Variants in ATG4A observed in about 807,000 individuals in gnomAD.
The protein encoded by ATG4A is autophagy related 4A cysteine peptidase.
ATG4A carries 22 observed loss-of-function variants against 38.4 expected under a neutral mutation model. The ratio of observed to expected loss-of-function variants is 0.57; its 90% CI spans 0.41 to 0.82. The LOEUF is 0.82. ATG4A is among the 40% of genes least tolerant of loss of function. The probability of loss-of-function intolerance (pLI) is 0.00; values close to 1 mark genes in which losing one functional copy is unlikely to be tolerated. For synonymous variants in ATG4A, 86 were observed against 100.7 expected (o/e 0.85, Z 0.88); for missense variants, 220 against 290.0 (o/e 0.76, Z 1.75).
chrX:108,142,491 G>A (rs894439603), intron 9 of ATG4A, among the ~76,000 whole-genome samples: 4 of 109,114 alleles, frequency 3.7e-5, no homozygotes, highest in Non-Finnish European at 7.6e-5. Context: ...GTGTGTGTGT[G>A]TATATAACAT....
chrX:108,117,163 CT>C (rs145499711), intron 1 of ATG4A, among the ~76,000 whole-genome samples: 108 of 104,614 alleles, frequency 1.0e-3, no homozygotes, highest in Non-Finnish European at 1.6e-3. Context: ...AGCTTTTAGG[CT>C]TTTTTTTTTT....
chrX:108,141,031 C>CGT (rs1238415528), intron 9 of ATG4A, among the ~76,000 whole-genome samples: 1,986 of 54,140 alleles, frequency 0.037, 52 homozygotes, highest in Non-Finnish European at 0.044. Flanking sequence ...CATATATATA[C>CGT]ATATATACAT....
chrX:108,149,507 G>T (rs1405053950), intron 9 of ATG4A, among the ~76,000 whole-genome samples: 1 of 112,741 alleles, frequency 8.9e-6, no homozygotes, highest in Non-Finnish European at 1.9e-5. Flanking sequence ...TTTTCCAAGT[G>T]AGCTGTATCT....
rs758699209 is a variant in ATG4A, at chrX:108,115,118, C to CAT, written c.11-10959_11-10958insAT. 6.2e-3 allele frequency among the ~76,000 whole-genome samples: 557 copies of CAT among 90,160 alleles called. 4 individuals carry two copies. Among genetic ancestry groups the CAT allele is most frequent in the African/African-American group, 0.021 (510 of 24,672 alleles). The allele number at this position is 90,160 out of a possible 115,157, so 78.3% of individuals were successfully genotyped here. A position where few individuals can be genotyped will look rare whatever the true frequency, so the allele number is the denominator to read the frequency against. Reference sequence around the variant, plus strand: ...GTATGTGTGCATGTGTGCATGTATGCGTGTGTGTGTGTGTGTGTGTGTGTG... The same window carrying CAT: ...GTATGTGTGCATGTGTGCATGTATGCATGTGTGTGTGTGTGTGTGTGTGTGTG... On this transcript the variant is annotated intron_variant, in intron 1 of 12. Coordinates refer to ENST00000372232, the MANE Select transcript of ATG4A (RefSeq NM_052936.5).
intron 5 of ATG4A, 77 bp from the exon 6 acceptor site, chrX:108,134,262 T>A: frequency 2.6e-6 from 3 of 1,156,180 alleles, no homozygotes; most frequent in Non-Finnish European, 2.3e-6. Flanking sequence ...CTTAATTATT[T>A]ATGCAAAAAA....
At chrX:108,152,266 G>A (rs778108489) in intron 11 of ATG4A, among the ~76,000 whole-genome samples, 16 of 111,297 alleles carry the variant, frequency 1.4e-4, no homozygotes, top group South Asian at 3.8e-4. Context: ...ACAAAGGCTC[G>A]CTCCGTCACC....
rs766991129 is a variant in ATG4A at position 108,126,337 on chromosome X, G to A, written c.121+150G>A. 50 of 469,143 alleles carry A rather than the reference G, an allele frequency of 1.1e-4. No homozygotes were observed. The East Asian group carries it at 1.1e-3, about 10-fold the overall frequency. 38.7% of individuals were successfully genotyped at this position (469,143 alleles called of 1,213,427 possible). A position where few individuals can be genotyped will look rare whatever the true frequency, so the allele number is the denominator to read the frequency against. On this transcript the variant is annotated intron_variant, in intron 2 of 12. Transcript: ENST00000372232. ...GTGGATTTAACTTGTAGTCAAAGGA[G>A]CTTAAGCCTCAGGACTTTTGCTTGG...
intron 1 of ATG4A, among the ~76,000 whole-genome samples, chrX:108,100,641 A>G (rs1278305289): frequency 9.0e-6 from 1 of 111,681 alleles, no homozygotes; most frequent in East Asian, 2.8e-4. Context: ...AATTTTGCCA[A>G]ATACTTTTTG....
At chrX:108,114,212 G>A (rs1027937779) in intron 1 of ATG4A, among the ~76,000 whole-genome samples, 3 of 111,411 alleles carry the variant, frequency 2.7e-5, no homozygotes, top group African/African-American at 9.8e-5. Context: ...TGGCTACACC[G>A]AGGCACAAGC....
intron 6 of ATG4A, among the ~76,000 whole-genome samples, chrX:108,135,342 T>C (rs1332696972): frequency 8.9e-6 from 1 of 112,284 alleles, no homozygotes; most frequent in Non-Finnish European, 1.9e-5. Context: ...TCTGGCCTCC[T>C]TTGGTGTAGA....
intron 1 of ATG4A, among the ~76,000 whole-genome samples, chrX:108,120,589 C>T (rs1335218032): frequency 8.9e-6 from 1 of 112,516 alleles, no homozygotes; most frequent in Non-Finnish European, 1.9e-5. Context: ...CCCAATTTTG[C>T]ATTACATTTG....
chrX:108,133,249 C>T (rs144250091), intron 4 of ATG4A, among the ~76,000 whole-genome samples: 4 of 112,197 alleles, frequency 3.6e-5, no homozygotes, highest in African/African-American at 9.7e-5. Context: ...TTGTCTTGGA[C>T]GCAAACTAAG....
At chrX:108,150,056 G>A in intron 9 of ATG4A, 96 bp from the exon 10 acceptor site, 1 of 993,565 alleles carries the variant, frequency 1.0e-6, no homozygotes, top group South Asian at 2.3e-5. Context: ...TGTCACCAAG[G>A]GAGGGGTTAA....
intron 9 of ATG4A, among the ~76,000 whole-genome samples, chrX:108,140,743 T>A (rs1288868540): frequency 2.0e-5 from 2 of 100,235 alleles, no homozygotes; most frequent in Non-Finnish European, 3.9e-5. Context: ...ATATATAAAA[T>A]ACATTGTATA....
intron 1 of ATG4A, among the ~76,000 whole-genome samples, chrX:108,124,555 G>A (rs908483961): frequency 1.8e-5 from 2 of 109,737 alleles, no homozygotes; most frequent in Admixed American, 9.7e-5. Flanking sequence ...GGGTTCAAGC[G>A]ACTCTCCTGC....
chrX:108,126,178 C>G lies in ATG4A; in HGVS notation c.112C>G (p.Leu38Val). 8.4e-7 allele frequency: 1 copy of G among 1,194,135 alleles called. No homozygotes were observed. Among genetic ancestry groups the G allele is most frequent in the Non-Finnish European group, 1.1e-6 (1 of 880,259 alleles). ...LVWILGKQHL[L>V]KTEKSKLLSD... ...ATGGATCTTAGGGAAGCAGCATCTC[C>G]TTAAAACAGGTAAGATTTGGTAGCA... Residue 38 changes from leucine to valine, a missense_variant, in exon 2 of 13, where the codon CTT becomes GTT. By Grantham distance (32) the Leu-to-Val change is conservative. Coordinates refer to ENST00000372232, the MANE Select transcript of ATG4A (RefSeq NM_052936.5).
intron 4 of ATG4A, among the ~76,000 whole-genome samples, chrX:108,133,402 C>A (rs1160657368): frequency 1.8e-5 from 2 of 112,386 alleles, no homozygotes; most frequent in African/African-American, 6.5e-5. Flanking sequence ...CAGATGGTAT[C>A]CGTACAGATG....
At chrX:108,089,743 G>A (rs1297641365), upstream of ATG4A, among the ~76,000 whole-genome samples, 1 of 111,030 alleles carries the variant, frequency 9.0e-6, no homozygotes, top group East Asian at 2.8e-4. Flanking sequence ...TGAGGCAGGG[G>A]AATCGCTTGA....
In ATG4A at chrX:108,134,038, A is replaced by AT. The variant is rs757931045; in HGVS notation, c.293-10dup. 1.5e-3 allele frequency: 1,700 copies of AT among 1,097,616 alleles called. 1 individual carries two copies. The highest frequency in any genetic ancestry group is 1.6e-3 in the South Asian group (78 of 48,639). The allele number at this position is 1,097,616 out of a possible 1,213,427, so 90.5% of individuals were successfully genotyped here. A position where few individuals can be genotyped will look rare whatever the true frequency, so the allele number is the denominator to read the frequency against. On this transcript the variant is annotated intron_variant, in intron 4 of 12. Coordinates refer to ENST00000372232, the MANE Select transcript of ATG4A (RefSeq NM_052936.5). ...ACAGTTATAAAAATGTTTCTAACCC[A>AT]TTTTTTTTTCTTAAAAAGACTGGAG...
Sources: allele counts gnomAD v4.1 joint callset (sites outside exome capture counted in the v4.1 genomes callset), GRCh38; gene constraint gnomAD v4.1.1; transcripts MANE v1.5; gene names NCBI Gene and HGNC (gene_info 2026-07-23, HGNC 2026-07-21).